RBFOX1: variants seen among roughly 807,000 people sequenced by gnomAD.
RBFOX1 encodes the protein RNA binding fox-1 homolog 1.
Under a neutral mutation model 57.7 loss-of-function variants are expected in RBFOX1, and 8 were observed. The ratio of observed to expected loss-of-function variants is 0.14; its 90% CI spans 0.08 to 0.25. RBFOX1 has a LOEUF of 0.25. RBFOX1 is among the 10% of genes least tolerant of loss of function. RBFOX1 has a pLI of 1.00. For synonymous variants in RBFOX1, 326 were observed against 222.4 expected (o/e 1.47, Z -4.15); for missense variants, 611 against 548.5 (o/e 1.11, Z -1.14).
At chr16:6,719,543 C>G (rs2065522691) in intron 3 of RBFOX1, among the ~76,000 whole-genome samples, 1 of 151,622 alleles carries the variant, frequency 6.6e-6, no homozygotes, top group Admixed American at 6.6e-5. Context: ...TGGGTTCATG[C>G]CATTCTTCTG....
At chr16:6,167,643 C>T (rs1247595408) in intron 1 of RBFOX1, among the ~76,000 whole-genome samples, 1 of 152,182 alleles carries the variant, frequency 6.6e-6, no homozygotes, top group Non-Finnish European at 1.5e-5. Flanking sequence ...AATATTATAA[C>T]TTGCCCTTTA....
chr16:5,689,304 G>A (rs779887892), intron 3 of RBFOX1, among the ~76,000 whole-genome samples: 7 of 152,162 alleles, frequency 4.6e-5, no homozygotes, highest in Non-Finnish European at 7.3e-5. Flanking sequence ...TATCATAATG[G>A]TTACCTATCA....
At chr16:6,909,311 C>T (rs1012826425) in intron 3 of RBFOX1, among the ~76,000 whole-genome samples, 7 of 152,158 alleles carry the variant, frequency 4.6e-5, no homozygotes, top group African/African-American at 1.4e-4. Context: ...GCATCACATA[C>T]CTCCTTCTCT....
At chr16:7,428,120 G>C (rs1209446003) in intron 4 of RBFOX1, among the ~76,000 whole-genome samples, 1 of 152,066 alleles carries the variant, frequency 6.6e-6, no homozygotes, top group Non-Finnish European at 1.5e-5. Context: ...CTCCAAATCT[G>C]AACTCCTTAT....
At chr16:7,232,273 G>T (rs2093544289) in intron 4 of RBFOX1, among the ~76,000 whole-genome samples, 1 of 152,004 alleles carries the variant, frequency 6.6e-6, no homozygotes. Context: ...ACTTTAAATG[G>T]TTAACAACCA....
At chr16:7,221,976 G>A (rs1470665406) in intron 4 of RBFOX1, among the ~76,000 whole-genome samples, 1 of 152,192 alleles carries the variant, frequency 6.6e-6, no homozygotes, top group Admixed American at 6.5e-5. Context: ...TTCTGTGATA[G>A]AACAGGAGAG....
rs1207231112 is a variant in RBFOX1, at chr16:5,801,538, C to T, written c.319-65765C>T. Among the ~76,000 whole-genome samples, 5 of 152,002 alleles carry T rather than the reference C, an allele frequency of 3.3e-5. No homozygotes were observed. In the South Asian group the frequency reaches 6.2e-4, roughly 19 times the overall value. On this transcript the variant is annotated intron_variant, in intron 3 of 19. Transcript: ENST00000641259. The stretch of plus-strand genomic sequence containing the variant: ...AGACATATGTGTCTCGACACAGGCG[C>T]GGGAGCTGGGGTGCATGCACGCGGG...
chr16:6,329,674 G>C (rs943741962), intron 2 of RBFOX1, among the ~76,000 whole-genome samples: 1 of 152,212 alleles, frequency 6.6e-6, no homozygotes, highest in Non-Finnish European at 1.5e-5. Context: ...GCCCATGCCT[G>C]TAATCCCAGC....
chr16:6,122,542 C>G (rs536929737), intron 1 of RBFOX1, among the ~76,000 whole-genome samples: 1 of 152,274 alleles, frequency 6.6e-6, no homozygotes, highest in South Asian at 2.1e-4. Flanking sequence ...GGAGCCTCAT[C>G]CCTGCATGGG....
chr16:6,028,777 A>C (rs2095244149), intron 1 of RBFOX1, among the ~76,000 whole-genome samples: 1 of 152,214 alleles, frequency 6.6e-6, no homozygotes, highest in Non-Finnish European at 1.5e-5. Flanking sequence ...GATGCTGGTT[A>C]AAGAAGTGTC....
chr16:6,697,893 G>T (rs985618531), intron 3 of RBFOX1, among the ~76,000 whole-genome samples: 1 of 152,174 alleles, frequency 6.6e-6, no homozygotes, highest in Admixed American at 6.5e-5. Flanking sequence ...TCAAGGGTAG[G>T]ATGTGGCCAG....
At chr16:5,389,134 TGAGCC>T (rs1286837081) in intron 1 of RBFOX1, among the ~76,000 whole-genome samples, 3 of 151,688 alleles carry the variant, frequency 2.0e-5, no homozygotes, top group African/African-American at 7.3e-5. Flanking sequence ...GAGCTTGCAG[TGAGCC>T]GAGATCGCGC....
chr16:7,061,263 T>C (rs1224786432), intron 4 of RBFOX1, among the ~76,000 whole-genome samples: 1 of 152,212 alleles, frequency 6.6e-6, no homozygotes, highest in Non-Finnish European at 1.5e-5. Flanking sequence ...AAATGTTTTT[T>C]AAAATGTTTT....
intron 3 of RBFOX1, among the ~76,000 whole-genome samples, chr16:6,853,097 C>T (rs1454794446): frequency 1.3e-5 from 2 of 152,148 alleles, no homozygotes; most frequent in Non-Finnish European, 2.9e-5. Context: ...TTCTATCCCT[C>T]CCTCCATATA....
chr16:7,225,183 C>T (rs2093013948), intron 4 of RBFOX1, among the ~76,000 whole-genome samples: 1 of 152,126 alleles, frequency 6.6e-6, no homozygotes, highest in Non-Finnish European at 1.5e-5. Context: ...AAGCATGAAT[C>T]TAGTTTGTAA....
At chr16:5,484,591 A>C (rs971258688) in intron 2 of RBFOX1, among the ~76,000 whole-genome samples, 1 of 152,094 alleles carries the variant, frequency 6.6e-6, no homozygotes, top group African/African-American at 2.4e-5. Context: ...CAGCCTAGGC[A>C]ACATAGCGAG....
At position 6,660,618 on chromosome 16, in the gene RBFOX1, C is replaced by T. The variant is rs962100182; in HGVS notation, c.-16+5968C>T. On this transcript the variant is annotated intron_variant, in intron 3 of 15. Transcript: ENST00000550418. ...TGTGACCTTGAGAAGCTTTCTTACC[C>T]TGTATATATCTTCATCTGCTTATCT... 3.9e-5 allele frequency among the ~76,000 whole-genome samples: 6 copies of T among 152,118 alleles called. 1 individual carries two copies. Among genetic ancestry groups the T allele is most frequent in the Admixed American group, 2.0e-4 (3 of 15,266 alleles).
chr16:6,500,733 T>G (rs1178752481), intron 2 of RBFOX1, among the ~76,000 whole-genome samples: 3 of 152,102 alleles, frequency 2.0e-5, no homozygotes, highest in African/African-American at 7.2e-5. Flanking sequence ...TGACAACATC[T>G]TGACTGCATG....
chr16:5,268,510 G>T (rs1296228534), intron 1 of RBFOX1, among the ~76,000 whole-genome samples: 2 of 152,204 alleles, frequency 1.3e-5, no homozygotes, highest in Non-Finnish European at 2.9e-5. Context: ...ATAAAGTTTA[G>T]CAGTCAGTCT....
Sources: gnomAD v4.1 joint callset for allele counts (sites outside exome capture counted in the v4.1 genomes callset) on GRCh38, gnomAD v4.1.1 for gene constraint, MANE v1.5 for transcripts, NCBI Gene and HGNC (gene_info 2026-07-23, HGNC 2026-07-21) for gene names.